RIMS2: variants seen among roughly 807,000 people sequenced by gnomAD.
RIMS2 encodes the protein regulating synaptic membrane exocytosis 2, also known as regulating synaptic membrane exocytosis protein 2.
Under a neutral mutation model 174.4 loss-of-function variants are expected in RIMS2, and 59 were observed. The observed-to-expected ratio is 0.34, with a 90% CI of 0.27 to 0.42. The LOEUF is 0.42. Among genes scored for constraint, RIMS2 ranks in the 10% least tolerant of loss-of-function variants. RIMS2 has a pLI of 1.00. For synonymous variants in RIMS2, 606 were observed against 572.5 expected, an observed-to-expected ratio of 1.06 and a Z score of -0.84; for missense variants, 1,620 against 1,666.3, an observed-to-expected ratio of 0.97 and a Z score of 0.48.
At chr8:103,708,560 A>T (rs558423625) in intron 2 of RIMS2, among the ~76,000 whole-genome samples, 1 of 152,294 alleles carries the variant, frequency 6.6e-6, no homozygotes, top group African/African-American at 2.4e-5. Flanking sequence ...TGCCAGGGAC[A>T]TGATCACAGG....
rs1336151722 is a variant in RIMS2 at position 103,895,499 on chromosome 8, A to T, written c.1624+9276A>T. Among the ~76,000 whole-genome samples the T allele has an allele frequency of 1.3e-5, 2 of 151,526 alleles. 1 individual carries two copies. Among genetic ancestry groups the T allele is most frequent in the African/African-American group, 4.9e-5 (2 of 40,922 alleles). ...TTCTTATAAAGGTACTAATTCCATC[A>T]TGAAGACTCCACTCTCATGACTTCC... On this transcript the variant is annotated intron_variant, in intron 4 of 23. Coordinates refer to ENST00000504942, the Ensembl canonical transcript of RIMS2.
At chr8:104,226,566 C>T (rs1241013359) in intron 19 of RIMS2, among the ~76,000 whole-genome samples, 3 of 152,154 alleles carry the variant, frequency 2.0e-5, no homozygotes, top group Non-Finnish European at 2.9e-5. Flanking sequence ...AGCTTTCAGC[C>T]TAACGGAGAT....
intron 3 of RIMS2, among the ~76,000 whole-genome samples, chr8:103,848,819 C>T (rs1039678460): frequency 6.6e-6 from 1 of 151,960 alleles, no homozygotes; most frequent in African/African-American, 2.4e-5. Context: ...AGAATTTAGC[C>T]TTCTGTGAAG....
At chr8:103,958,212 C>T (rs1178415507) in intron 14 of RIMS2, among the ~76,000 whole-genome samples, 9 of 152,150 alleles carry the variant, frequency 5.9e-5, no homozygotes, top group Admixed American at 5.9e-4. Flanking sequence ...CCATAGAATA[C>T]TATGACGCCA....
At chr8:103,806,409 C>G (rs140725982) in intron 3 of RIMS2, among the ~76,000 whole-genome samples, 23 of 152,154 alleles carry the variant, frequency 1.5e-4, no homozygotes, top group African/African-American at 4.8e-4. Flanking sequence ...ATGACAGATA[C>G]AGTAGTACCG....
chr8:104,111,466 G>T (rs1245045921), intron 19 of RIMS2, among the ~76,000 whole-genome samples: 1 of 152,164 alleles, frequency 6.6e-6, no homozygotes, highest in Non-Finnish European at 1.5e-5. Flanking sequence ...GGAGTGCAGT[G>T]GTGCGATCTC....
At chr8:104,228,952 A>G (rs1382412619) in intron 19 of RIMS2, among the ~76,000 whole-genome samples, 2 of 152,238 alleles carry the variant, frequency 1.3e-5, no homozygotes, top group Admixed American at 6.5e-5. Context: ...CTCAATGCCT[A>G]TCAAATATTA....
At chr8:103,888,729 A>G (rs2099223183) in intron 4 of RIMS2, among the ~76,000 whole-genome samples, 1 of 151,666 alleles carries the variant, frequency 6.6e-6, no homozygotes, top group Non-Finnish European at 1.5e-5. Context: ...TATGAGTTAA[A>G]TTAAAATCCT....
intron 19 of RIMS2, among the ~76,000 whole-genome samples, chr8:104,216,908 G>A (rs141601600): frequency 1.3e-5 from 2 of 152,258 alleles, no homozygotes; most frequent in Non-Finnish European, 2.9e-5. Context: ...TGTGAAATGA[G>A]AATAATGGAA....
intron 1 of RIMS2, among the ~76,000 whole-genome samples, chr8:103,530,053 A>G (rs1381545304): frequency 6.6e-6 from 1 of 152,164 alleles, no homozygotes; most frequent in Non-Finnish European, 1.5e-5. Flanking sequence ...ATAGATGGAA[A>G]TTAGTGTTGG....
intron 1 of RIMS2, among the ~76,000 whole-genome samples, chr8:103,576,158 C>T (rs904056466): frequency 4.6e-5 from 7 of 152,140 alleles, no homozygotes; most frequent in African/African-American, 1.7e-4. Context: ...GCCAGCCTTC[C>T]CACACTATAA....
chr8:103,614,223 G>A (rs552510639), intron 1 of RIMS2, among the ~76,000 whole-genome samples: 1 of 152,248 alleles, frequency 6.6e-6, no homozygotes, highest in African/African-American at 2.4e-5. Context: ...CACTGGGTTG[G>A]GCAATTTCCC....
At chr8:103,839,234 T>C (rs2098924717) in intron 3 of RIMS2, among the ~76,000 whole-genome samples, 3 of 152,234 alleles carry the variant, frequency 2.0e-5, no homozygotes, top group African/African-American at 4.8e-5. Context: ...TATTGACTTT[T>C]TGTTCTCATT....
At chr8:103,779,326 T>C (rs1248388950) in intron 3 of RIMS2, among the ~76,000 whole-genome samples, 1 of 152,186 alleles carries the variant, frequency 6.6e-6, no homozygotes, top group Admixed American at 6.5e-5. Flanking sequence ...TGCCCAGATC[T>C]ATGTCCTGGA....
At chr8:104,002,925 G>A (rs1596850618) in intron 17 of RIMS2, among the ~76,000 whole-genome samples, 1 of 152,090 alleles carries the variant, frequency 6.6e-6, no homozygotes, top group Admixed American at 6.6e-5. Flanking sequence ...TCCAGGTTAT[G>A]CTAACTAGTA....
intron 4 of RIMS2, among the ~76,000 whole-genome samples, chr8:103,898,720 TTTTATTTTTTTTTATTATTATAC>T (rs1324670471): frequency 2.6e-5 from 4 of 151,578 alleles, no homozygotes; most frequent in South Asian, 2.1e-4. Flanking sequence ...TTTTGTTTGT[TTTTATTTTTTTTTATTATTATAC>T]TTTAAGTTCT....
At chr8:103,554,678 T>C (rs1849615321) in intron 1 of RIMS2, among the ~76,000 whole-genome samples, 1 of 152,178 alleles carries the variant, frequency 6.6e-6, no homozygotes, top group Non-Finnish European at 1.5e-5. Context: ...GCAATCCTAT[T>C]ATTGGGTACC....
At chr8:103,875,265 G>A (rs967228793) in intron 3 of RIMS2, among the ~76,000 whole-genome samples, 2 of 151,500 alleles carry the variant, frequency 1.3e-5, no homozygotes, top group African/African-American at 2.4e-5. Context: ...TCTCTCACTC[G>A]CATCTCACTC....
chr8:103,525,210 AGGGGC>A (rs2130672433), intron 1 of RIMS2, among the ~76,000 whole-genome samples: 1 of 152,230 alleles, frequency 6.6e-6, no homozygotes, highest in East Asian at 1.9e-4. Context: ...ATTAAGTTAC[AGGGGC>A]TGGTAGAAAA....
Sources: allele counts gnomAD v4.1 joint callset (sites outside exome capture counted in the v4.1 genomes callset), GRCh38; gene constraint gnomAD v4.1.1; transcripts MANE v1.5; gene names NCBI Gene and HGNC (gene_info 2026-07-23, HGNC 2026-07-21).